CNIH3: variants seen among roughly 807,000 people sequenced by gnomAD.
CNIH3 encodes the protein cornichon family AMPA receptor auxiliary protein 3.
CNIH3 carries 14 observed loss-of-function variants against 24.1 expected under a neutral mutation model. That is an observed-to-expected ratio of 0.58 (90% confidence interval 0.38 to 0.91). CNIH3 has a LOEUF of 0.91. Among genes scored for constraint, CNIH3 ranks in the 40% least tolerant of loss-of-function variants. The pLI is 0.00. For synonymous variants in CNIH3, 68 were observed against 73.8 expected (o/e 0.92, Z 0.40); for missense variants, 178 against 196.8 (o/e 0.90, Z 0.57).
chr1:224,532,060 C>T (rs1432595791), intron 2 of CNIH3, among the ~76,000 whole-genome samples: 2 of 151,984 alleles, frequency 1.3e-5, no homozygotes, highest in Non-Finnish European at 2.9e-5. Context: ...AGTAACAGAT[C>T]TATAGTAATA....
chr1:224,709,746 A>G (rs752797655), intron 3 of CNIH3, among the ~76,000 whole-genome samples: 1 of 152,166 alleles, frequency 6.6e-6, no homozygotes, highest in Admixed American at 6.5e-5. Flanking sequence ...TTATGGGTTG[A>G]AGCAGGAATA....
rs549409695 is a variant in CNIH3 at position 224,684,178 on chromosome 1, C to A, written c.151-618C>A. On this transcript the variant is annotated intron_variant, in intron 2 of 5. Transcript: ENST00000272133. This position sits in a 1 kb window ranked among gnomAD's most constrained non-coding sequence, Gnocchi z 4.2. ...TGCACGATGCGGGCATCATCACCTG[C>A]CCAGCCACGGGCCATCATCTCATCT... Among the ~76,000 whole-genome samples the A allele has an allele frequency of 6.6e-6, 1 of 152,216 alleles. No homozygotes were observed. Among genetic ancestry groups the A allele is most frequent in the African/African-American group, 2.4e-5 (1 of 41,446 alleles).
At chr1:224,729,254 A>C (rs1430910008) in intron 3 of CNIH3, among the ~76,000 whole-genome samples, 1 of 151,964 alleles carries the variant, frequency 6.6e-6, no homozygotes, top group Non-Finnish European at 1.5e-5. Context: ...CTACTGAAAA[A>C]TATGAAAATT....
chr1:224,527,889 T>C (rs1387116585), intron 2 of CNIH3, among the ~76,000 whole-genome samples: 1 of 152,194 alleles, frequency 6.6e-6, no homozygotes, highest in African/African-American at 2.4e-5. Context: ...TCTATATCTA[T>C]ACAATAATAA....
chr1:224,481,653 A>T (rs1676818346), intron 1 of CNIH3, among the ~76,000 whole-genome samples: 1 of 152,216 alleles, frequency 6.6e-6, no homozygotes, highest in African/African-American at 2.4e-5. Context: ...AAGGGGTGAC[A>T]CAAGTATCCC....
At chr1:224,644,515 C>T (rs1373623387) in intron 1 of CNIH3, among the ~76,000 whole-genome samples, 3 of 152,156 alleles carry the variant, frequency 2.0e-5, no homozygotes, top group African/African-American at 7.2e-5. Flanking sequence ...AATATTATGC[C>T]TGGCATGCAG....
Position 224,470,082 on chromosome 1 carries a change from G to A in CNIH3, n.203+35220G>A, listed in dbSNP as rs1310455120. On this transcript the variant is annotated intron_variant and non_coding_transcript_variant, in intron 1 of 5. Coordinates refer to the CNIH3 transcript ENST00000471578. ...TGCCCAGGCTGGAGTTCAGTGGCGC[G>A]ATCTCGGCTCACTGCAAGCTCTGCT... 6.6e-5 allele frequency among the ~76,000 whole-genome samples: 10 copies of A among 150,984 alleles called. No homozygotes were observed. In the East Asian group the frequency reaches 1.8e-3, roughly 26 times the overall value.
chr1:224,702,309 A>G (rs940352332), intron 3 of CNIH3, among the ~76,000 whole-genome samples: 17 of 152,276 alleles, frequency 1.1e-4, no homozygotes, highest in African/African-American at 4.1e-4. Context: ...AGTTCTGTTT[A>G]TTTGGCCCCA....
At chr1:224,441,064 C>T (rs377641061) in intron 1 of CNIH3, among the ~76,000 whole-genome samples, 1 of 152,190 alleles carries the variant, frequency 6.6e-6, no homozygotes, top group African/African-American at 2.4e-5. Context: ...GATCCGCCCC[C>T]CTCGGCCTCC....
intron 1 of CNIH3, among the ~76,000 whole-genome samples, chr1:224,449,025 C>A (rs924107823): frequency 1.4e-5 from 2 of 144,974 alleles, no homozygotes; most frequent in Non-Finnish European, 3.0e-5. Context: ...AGTGCAATGG[C>A]ATGATCTTGG....
At position 224,575,056 on chromosome 1, in the gene CNIH3, T is replaced by C. The variant is rs866968493; in HGVS notation, n.517-8108T>C. 52 of 878,238 alleles carry C rather than the reference T, an allele frequency of 5.9e-5. No homozygotes were observed. In the African/African-American group the frequency reaches 6.7e-4, roughly 11 times the overall value. The allele number at this position is 878,238 out of a possible 1,614,324, so 54.4% of individuals were successfully genotyped here. A position where few individuals can be genotyped will look rare whatever the true frequency, so the allele number is the denominator to read the frequency against. The stretch of plus-strand genomic sequence containing the variant: ...CAGTACTGCCAGTCCAAAGGCATCA[T>C]GGTGACTGCCTACAGCTCCTTCAGC... On this transcript the variant is annotated intron_variant and non_coding_transcript_variant, in intron 4 of 5. Coordinates refer to the CNIH3 transcript ENST00000471578.
intron 3 of CNIH3, among the ~76,000 whole-genome samples, chr1:224,727,722 G>A (rs1284413559): frequency 3.9e-5 from 6 of 152,156 alleles, no homozygotes; most frequent in African/African-American, 1.4e-4. Context: ...ACAAGAAGCA[G>A]CTGGTGAAGT....
chr1:224,469,562 C>T (rs577691630), intron 1 of CNIH3, among the ~76,000 whole-genome samples: 78 of 152,268 alleles, frequency 5.1e-4, no homozygotes, highest in African/African-American at 1.7e-3. Flanking sequence ...GACTGGAGCG[C>T]AGTGGTGCAA....
chr1:224,702,245 G>A (rs1312751850), intron 3 of CNIH3, among the ~76,000 whole-genome samples: 2 of 152,040 alleles, frequency 1.3e-5, no homozygotes, highest in Non-Finnish European at 2.9e-5. Flanking sequence ...ATATTCCATA[G>A]TACACACAAT....
At chr1:224,518,780 G>A (rs1002287275) in intron 1 of CNIH3, among the ~76,000 whole-genome samples, 5 of 152,178 alleles carry the variant, frequency 3.3e-5, no homozygotes, top group South Asian at 2.1e-4. Flanking sequence ...GCAACAACCC[G>A]TACAGCTCCA....
intron 1 of CNIH3, among the ~76,000 whole-genome samples, chr1:224,621,144 C>A (rs925907458): frequency 6.6e-6 from 1 of 152,114 alleles, no homozygotes. Flanking sequence ...AATAAAATTC[C>A]CTAGAAAGAT....
chr1:224,499,650 A>G (rs1247682955), intron 1 of CNIH3, among the ~76,000 whole-genome samples: 1 of 152,196 alleles, frequency 6.6e-6, no homozygotes, highest in Non-Finnish European at 1.5e-5. Flanking sequence ...ATACCTTTCT[A>G]GTTTCAATTT....
chr1:224,732,378 C>T (rs1028465254), intron 4 of CNIH3, among the ~76,000 whole-genome samples: 1 of 152,112 alleles, frequency 6.6e-6, no homozygotes, highest in Non-Finnish European at 1.5e-5. Flanking sequence ...TCGGTTACAT[C>T]GAGAAGCCTC....
chr1:224,616,343 G>GGCGGCGGCGGCAGCGGCAGCGGCA lies in CNIH3; in HGVS notation c.-827_-826insGGCGGCAGCGGCAGCGGCAGCGGC, dbSNP rs554519229. 1 of 492,368 alleles carries GGCGGCGGCGGCAGCGGCAGCGGCA rather than the reference G, an allele frequency of 2.0e-6. No homozygotes were observed. The highest frequency in any genetic ancestry group is 2.1e-5 in the African/African-American group (1 of 46,686). The allele number at this position is 492,368 out of a possible 1,614,324, so 30.5% of individuals were successfully genotyped here. On this transcript the variant is annotated 5_prime_UTR_variant, in exon 1 of 6. Coordinates refer to ENST00000272133, the MANE Select transcript of CNIH3 (RefSeq NM_152495.2). The stretch of plus-strand genomic sequence containing the variant: ...CAGTGGCAAAGGCGGCGGCGGCGGC[G>GGCGGCGGCGGCAGCGGCAGCGGCA]GCGGCAGCGGCAGCAGCAGGTGGAG...
Sources: allele counts gnomAD v4.1 joint callset (sites outside exome capture counted in the v4.1 genomes callset), GRCh38; gene constraint gnomAD v4.1.1; non-coding constraint Gnocchi (gnomAD v3.1); transcripts MANE v1.5; gene names NCBI Gene and HGNC (gene_info 2026-07-23, HGNC 2026-07-21).